MAP3K4: variants seen among roughly 807,000 people sequenced by gnomAD.
MAP3K4 encodes mitogen-activated protein kinase kinase kinase 4.
Under a neutral mutation model 185.6 loss-of-function variants are expected in MAP3K4, and 67 were observed. That is an observed-to-expected ratio of 0.36 (90% CI 0.30 to 0.44). The LOEUF (loss-of-function observed/expected upper bound fraction) is 0.44. MAP3K4 is among the 20% of genes least tolerant of loss of function. The probability of loss-of-function intolerance (pLI) is 1.00; values close to 1 mark genes in which losing one functional copy is unlikely to be tolerated. For synonymous variants in MAP3K4, 702 were observed against 710.4 expected, an observed-to-expected ratio of 0.99 and a Z score of 0.19; for missense variants, 1,551 against 1,995.1, an observed-to-expected ratio of 0.78 and a Z score of 4.24.
At chr6:160,994,308 G>A (rs1292225312) in intron 1 of MAP3K4, among the ~76,000 whole-genome samples, 9 of 151,988 alleles carry the variant, frequency 5.9e-5, no homozygotes, top group African/African-American at 1.9e-4. Flanking sequence ...GCCTTCCCCC[G>A]AGTCTTCAAA....
chr6:161,000,057 T>C (rs1383852726), intron 1 of MAP3K4, among the ~76,000 whole-genome samples: 1 of 152,224 alleles, frequency 6.6e-6, no homozygotes, highest in Non-Finnish European at 1.5e-5. Flanking sequence ...TCTGTAGTAG[T>C]GGTTTTGAAA....
At chr6:161,090,311 G>A (rs769437029) in intron 11 of MAP3K4, among the ~76,000 whole-genome samples, 1 of 152,210 alleles carries the variant, frequency 6.6e-6, no homozygotes, top group Admixed American at 6.5e-5. Context: ...GAGAGAGACC[G>A]ATTTGGAGCT....
intron 1 of MAP3K4, among the ~76,000 whole-genome samples, chr6:161,025,521 C>CCA (rs1782603813): frequency 6.6e-6 from 1 of 152,158 alleles, no homozygotes; most frequent in Non-Finnish European, 1.5e-5. Context: ...TGATGTGTGT[C>CCA]ATAGGCCATA....
rs1777401922 is a variant in MAP3K4 at position 161,093,081 on chromosome 6, T to G, written c.3348+25T>G. ...GGTATGGATTATTCTAAAGTTTTTT[T>G]CATTATAAAATAAGCCAGTCACTCC... On this transcript the variant is annotated intron_variant, in intron 14 of 26. Coordinates refer to ENST00000392142, the MANE Select transcript of MAP3K4 (RefSeq NM_005922.4). The surrounding 1 kb of genome is among the most constrained non-coding windows in gnomAD (Gnocchi z 5.2). 1 of 1,528,694 alleles carries G rather than the reference T, an allele frequency of 6.5e-7. No individual in the cohort carries two copies. Among genetic ancestry groups the G allele is most frequent in the Non-Finnish European group, 9.0e-7 (1 of 1,107,972 alleles). 94.7% of individuals were successfully genotyped at this position (1,528,694 alleles called of 1,614,324 possible).
chr6:161,035,548 T>G (rs1301657191), intron 2 of MAP3K4, among the ~76,000 whole-genome samples: 1 of 152,198 alleles, frequency 6.6e-6, no homozygotes, highest in Non-Finnish European at 1.5e-5. Flanking sequence ...GAAAGAGTCT[T>G]TCCCACAAAT....
At chr6:161,068,888 C>T (rs1219497936) in intron 3 of MAP3K4, among the ~76,000 whole-genome samples, 4 of 152,222 alleles carry the variant, frequency 2.6e-5, no homozygotes, top group African/African-American at 9.6e-5. Flanking sequence ...TTAGTCCACT[C>T]TGCAGCTGAG....
intron 3 of MAP3K4, among the ~76,000 whole-genome samples, chr6:161,050,742 A>G (rs1783965832): frequency 1.3e-5 from 2 of 152,234 alleles, no homozygotes; most frequent in Admixed American, 1.3e-4. Flanking sequence ...TGAGAGTCCA[A>G]AATAGTACTG....
At chr6:161,047,928 A>G (rs1401129188) in intron 2 of MAP3K4, among the ~76,000 whole-genome samples, 2 of 152,226 alleles carry the variant, frequency 1.3e-5, no homozygotes, top group Admixed American at 1.3e-4. Flanking sequence ...ACATGGCAGT[A>G]TAACATACTA....
At chr6:161,028,543 C>T (rs1249363390) in intron 1 of MAP3K4, among the ~76,000 whole-genome samples, 1 of 152,142 alleles carries the variant, frequency 6.6e-6, no homozygotes, top group Non-Finnish European at 1.5e-5. Context: ...GTTTTGAACA[C>T]ATAATCTGCA....
At chr6:161,031,738 C>G (rs1782940025) in intron 1 of MAP3K4, among the ~76,000 whole-genome samples, 1 of 152,114 alleles carries the variant, frequency 6.6e-6, no homozygotes, top group African/African-American at 2.4e-5. Context: ...TTTAAAAACA[C>G]CTTTACAACT....
rs1340344688 is a variant in MAP3K4 at position 161,087,772 on chromosome 6, A to G, written c.2641A>G (p.Asn881Asp). ...EEKSIILQLL[N>D]AAAGKDCSKD... ...GAAGAGTATTATTTTGCAGTTACTC[A>G]ATGCAGCTGCAGGAAAGGACTGTTC... Residue 881 changes from asparagine to aspartate, a missense_variant, in exon 10 of 27, where the codon AAT (asparagine) becomes GAT (aspartate). By Grantham distance (23) the Asn-to-Asp change is conservative (BLOSUM62 1). Transcript: ENST00000392142. The surrounding 1 kb of genome is among the most constrained non-coding windows in gnomAD (Gnocchi z 4.9). The G allele has an allele frequency of 1.2e-6, 2 of 1,613,626 alleles. No individual in the cohort carries two copies.
chr6:161,033,181 A>G (rs1375561905), intron 1 of MAP3K4, among the ~76,000 whole-genome samples: 4 of 152,192 alleles, frequency 2.6e-5, no homozygotes, highest in South Asian at 4.1e-4. Flanking sequence ...AATGGATTAT[A>G]TACTGGATAT....
In MAP3K4 at chr6:161,100,100, A is replaced by G. The variant is rs1176884638; in HGVS notation, c.3674+1673A>G. ...GGTAGAGAAGAGCACAGCCACGTGA[A>G]GAGGTGTGGGGTGGTTACCAGACTC... On this transcript the variant is annotated intron_variant, in intron 17 of 26. Transcript: ENST00000392142. The surrounding 1 kb of genome is among the most constrained non-coding windows in gnomAD (Gnocchi z 5.8). Among the ~76,000 whole-genome samples, 1 of 152,190 alleles carries G rather than the reference A, an allele frequency of 6.6e-6. No homozygotes were observed. Among genetic ancestry groups the G allele is most frequent in the Non-Finnish European group, 1.5e-5 (1 of 68,030 alleles).
At position 161,037,710 on chromosome 6, in the gene MAP3K4, G is replaced by A. The variant is rs1455771557; in HGVS notation, c.343+3261G>A. 1.3e-5 allele frequency among the ~76,000 whole-genome samples: 2 copies of A among 152,084 alleles called. No individual in the cohort carries two copies. The highest frequency in any genetic ancestry group is 2.9e-5 in the Non-Finnish European group (2 of 68,012). ...TGGGATTATAGGCACGAGCAACCAT[G>A]ACCGGTTGTAAAGTCAGGATTTCTT... On this transcript the variant is annotated intron_variant, in intron 2 of 26. Coordinates refer to ENST00000392142, the MANE Select transcript of MAP3K4 (RefSeq NM_005922.4). The surrounding 1 kb of genome is among the most constrained non-coding windows in gnomAD (Gnocchi z 4.2).
chr6:161,057,316 C>G (rs1027720531), intron 3 of MAP3K4, among the ~76,000 whole-genome samples: 2 of 152,152 alleles, frequency 1.3e-5, no homozygotes, highest in African/African-American at 4.8e-5. Flanking sequence ...TTGACTCTCA[C>G]AGTGTTCCAG....
chr6:160,993,333 G>C (rs1421915642), intron 1 of MAP3K4, among the ~76,000 whole-genome samples: 1 of 152,078 alleles, frequency 6.6e-6, no homozygotes, highest in East Asian at 1.9e-4. Flanking sequence ...ATTTGTTAAC[G>C]GATCAGTTTT....
rs1301989840 is a variant in MAP3K4, at chr6:161,054,156, A to G, written c.1707+4177A>G. Among the ~76,000 whole-genome samples the G allele has an allele frequency of 1.3e-5, 2 of 152,154 alleles. No individual in the cohort carries two copies. Among genetic ancestry groups the G allele is most frequent in the African/African-American group, 4.8e-5 (2 of 41,448 alleles). On this transcript the variant is annotated intron_variant, in intron 3 of 26. Transcript: ENST00000392142. The surrounding 1 kb of genome is among the most constrained non-coding windows in gnomAD (Gnocchi z 4.2). ...ATTTCCCTTTGTAAGCATGCTTTAC[A>G]AAATAATTTTTTTTTGAGACAGAGT...
In MAP3K4 at chr6:161,103,824, A is replaced by C. The variant is rs1777934993; in HGVS notation, c.3856+1045A>C. Among the ~76,000 whole-genome samples, 1 of 152,192 alleles carries C rather than the reference A, an allele frequency of 6.6e-6. No individual in the cohort carries two copies. The highest frequency in any genetic ancestry group is 2.4e-5 in the African/African-American group (1 of 41,446). The stretch of plus-strand genomic sequence containing the variant: ...AGAAATTCAGTATAAATAATACGAT[A>C]CTGGACTAATGTGGGATTTAAAAGA... On this transcript the variant is annotated intron_variant, in intron 19 of 26. Coordinates refer to ENST00000392142, the MANE Select transcript of MAP3K4 (RefSeq NM_005922.4). This position sits in a 1 kb window ranked among gnomAD's most constrained non-coding sequence, Gnocchi z 4.6.
At chr6:161,062,632 A>G (rs1784533702) in intron 3 of MAP3K4, among the ~76,000 whole-genome samples, 1 of 152,090 alleles carries the variant, frequency 6.6e-6, no homozygotes, top group South Asian at 2.1e-4. Context: ...TGTCCATAAA[A>G]TCTTTGGTTT....
Sources: allele counts gnomAD v4.1 joint callset (sites outside exome capture counted in the v4.1 genomes callset), GRCh38; gene constraint gnomAD v4.1.1; non-coding constraint Gnocchi (gnomAD v3.1); transcripts MANE v1.5; gene names NCBI Gene and HGNC (gene_info 2026-07-23, HGNC 2026-07-21).